The following TSHZ1 variants were observed in gnomAD, a reference collection of about 807,000 sequenced individuals.
TSHZ1 encodes the protein teashirt homolog 1.
A neutral mutation model predicts 67.1 loss-of-function variants in TSHZ1; 12 were observed. That is an observed-to-expected ratio of 0.18 (90% CI 0.11 to 0.29). The LOEUF is 0.29. Among genes scored for constraint, TSHZ1 ranks in the 10% least tolerant of loss-of-function variants. TSHZ1 has a pLI of 1.00. For missense variants in TSHZ1, 1,305 were observed against 1,413.9 expected, an observed-to-expected ratio of 0.92 and a Z score of 1.23; for synonymous variants, 632 against 622.4, an observed-to-expected ratio of 1.02 and a Z score of -0.23.
chr18:75,275,535 A>T (rs2023605193), intron 1 of TSHZ1, among the ~76,000 whole-genome samples: 1 of 152,176 alleles, frequency 6.6e-6, no homozygotes, highest in Non-Finnish European at 1.5e-5. Flanking sequence ...TGCCATGCAT[A>T]AGTCTCCTCT....
rs2022696637 is a variant in TSHZ1, at chr18:75,211,856, CG to C, written c.-19del. On this transcript the variant is annotated 5_prime_UTR_variant, in exon 1 of 2. Transcript: ENST00000580243. ...CGAACTCCGGCGGCGGCTGAGGCGA[CG>C]GCTGCGGCGGCCGAGCAGCATGCCG... is the stretch of plus-strand genomic sequence containing the variant. 1.5e-5 allele frequency: 17 copies of C among 1,166,812 alleles called. No homozygotes were observed. In the South Asian group the frequency reaches 7.1e-4, roughly 49 times the overall value. 72.3% of individuals were successfully genotyped at this position (1,166,812 alleles called of 1,614,324 possible). A position where few individuals can be genotyped will look rare whatever the true frequency, so the allele number is the denominator to read the frequency against.
chr18:75,242,345 A>G (rs1458125510), intron 1 of TSHZ1, among the ~76,000 whole-genome samples: 1 of 152,180 alleles, frequency 6.6e-6, no homozygotes, highest in Non-Finnish European at 1.5e-5. Context: ...CCCAGCAGGG[A>G]GTCATCGCAT....
chr18:75,267,478 T>C (rs548644175), intron 1 of TSHZ1, among the ~76,000 whole-genome samples: 1 of 152,220 alleles, frequency 6.6e-6, no homozygotes, highest in East Asian at 1.9e-4. Flanking sequence ...GCGTAAACAG[T>C]GGTGGGGCTG....
intron 1 of TSHZ1, among the ~76,000 whole-genome samples, chr18:75,230,674 A>C (rs1174492605): frequency 6.6e-6 from 1 of 152,220 alleles, no homozygotes; most frequent in East Asian, 1.9e-4. Flanking sequence ...GTATGACCTT[A>C]GTGGTTGCAA....
chr18:75,280,899 C>T, intron 1 of TSHZ1: 1 of 887,086 alleles, frequency 1.1e-6, no homozygotes, highest in Non-Finnish European at 1.4e-6. Flanking sequence ...TTGAGCCTCC[C>T]TGGAGGGATG....
chr18:75,242,632 T>C (rs906602639), intron 1 of TSHZ1, among the ~76,000 whole-genome samples: 8 of 152,262 alleles, frequency 5.3e-5, no homozygotes, highest in African/African-American at 1.9e-4. Context: ...TGGTAGCTGA[T>C]GTCTGCTACA....
At chr18:75,282,188 C>T (rs2023695799) in intron 1 of TSHZ1, among the ~76,000 whole-genome samples, 1 of 152,156 alleles carries the variant, frequency 6.6e-6, no homozygotes, top group Admixed American at 6.5e-5. Context: ...TTCCCGGGTG[C>T]AGAATGGACT....
intron 1 of TSHZ1, among the ~76,000 whole-genome samples, chr18:75,251,204 T>C (rs2023298787): frequency 6.6e-6 from 1 of 152,216 alleles, no homozygotes; most frequent in South Asian, 2.1e-4. Context: ...TATTTTTTCC[T>C]CTTTGCAAAA....
intron 1 of TSHZ1, among the ~76,000 whole-genome samples, chr18:75,252,589 G>A (rs182513546): frequency 1.3e-3 from 199 of 152,150 alleles, no homozygotes; most frequent in Non-Finnish European, 2.1e-3. Flanking sequence ...TTAAGTATTT[G>A]ATACATCTAA....
chr18:75,265,428 TCGTATGG>T (rs766611824), intron 1 of TSHZ1, among the ~76,000 whole-genome samples: 3 of 152,304 alleles, frequency 2.0e-5, no homozygotes, highest in Admixed American at 1.3e-4. Flanking sequence ...AATTTCACTG[TCGTATGG>T]CCGCTGAGTT....
chr18:75,255,784 A>G (rs2122573710), intron 1 of TSHZ1, among the ~76,000 whole-genome samples: 1 of 152,362 alleles, frequency 6.6e-6, no homozygotes, highest in East Asian at 1.9e-4. Context: ...ACAAAAACAA[A>G]AGATAACAAA....
At chr18:75,253,174 G>C (rs934546919) in intron 1 of TSHZ1, among the ~76,000 whole-genome samples, 1 of 152,068 alleles carries the variant, frequency 6.6e-6, no homozygotes. Flanking sequence ...TTTGTGAATG[G>C]ACTTTTCTGT....
At position 75,287,665 on chromosome 18, in the gene TSHZ1, T is replaced by C. The variant is rs1211177938; in HGVS notation, c.2258T>C (p.Met753Thr). 1.9e-6 allele frequency: 3 copies of C among 1,614,042 alleles called. No individual in the cohort carries two copies. The highest frequency in any genetic ancestry group is 4.5e-5 in the East Asian group (2 of 44,882). The part of the protein sequence containing the change: ...INPLSALQSI[M>T]NTHLGKVSKP... ...CCGCTGAGCGCTTTGCAGTCCATCA[T>C]GAACACCCACCTGGGCAAGGTGTCC... Residue 753 changes from methionine (M) to threonine (T), a missense_variant, in exon 2 of 2, where the codon ATG (methionine) becomes ACG (threonine). Around this residue, in one of 3 missense-constraint regions of TSHZ1, gnomAD observed 909 missense variants for 961.8 expected, o/e 0.95. Transcript: ENST00000580243. This position sits in a 1 kb window ranked among gnomAD's most constrained non-coding sequence, Gnocchi z 5.0.
chr18:75,227,162 C>G (rs1335191347), intron 1 of TSHZ1, among the ~76,000 whole-genome samples: 3 of 152,116 alleles, frequency 2.0e-5, no homozygotes, highest in Admixed American at 6.5e-5. Context: ...AAAGAACCAG[C>G]AGCAAAGCAT....
intron 1 of TSHZ1, among the ~76,000 whole-genome samples, chr18:75,248,250 T>TCAAGTATAAGGTTCTGATTCTGGCG: frequency 6.6e-6 from 1 of 152,354 alleles, no homozygotes; most frequent in Non-Finnish European, 1.5e-5. Context: ...GTATTCTACT[T>TCAAGTATAAGGTTCTGATTCTGGCG]CAAGTATAAG....
At chr18:75,238,127 T>C (rs1366826287) in intron 1 of TSHZ1, among the ~76,000 whole-genome samples, 1 of 152,238 alleles carries the variant, frequency 6.6e-6, no homozygotes, top group Non-Finnish European at 1.5e-5. Flanking sequence ...AACAGGCTTA[T>C]GCTTTGCTTG....
rs2122503567 is a variant in TSHZ1 at position 75,211,275 on chromosome 18, T to A, written c.-602T>A. 1 of 152,040 alleles carries A rather than the reference T, an allele frequency of 6.6e-6. No homozygotes were observed. The highest frequency in any genetic ancestry group is 2.1e-4 in the South Asian group (1 of 4,806). 9.4% of individuals were successfully genotyped at this position (152,040 alleles called of 1,614,324 possible). A position where few individuals can be genotyped will look rare whatever the true frequency, so the allele number is the denominator to read the frequency against. On this transcript the variant is annotated 5_prime_UTR_variant, in exon 1 of 2. An upstream open reading frame in the 5' UTR gains an earlier in-frame stop. Coordinates refer to ENST00000580243, the MANE Select transcript of TSHZ1 (RefSeq NM_001308210.2). The stretch of plus-strand genomic sequence containing the variant: ...ACGGGGGCTTCACTCCTCTGTCTTG[T>A]TTGCTTTCTTCCTCTTAGACTAAGT...
Position 75,214,521 on chromosome 18 carries a change from T to C in TSHZ1, c.40+2605T>C, listed in dbSNP as rs117333053. ...TGTTTTTATTATAACATCCTGACTG[T>C]TTTTTTCTTAAAGCTGCATGTTGGC... On this transcript the variant is annotated intron_variant, in intron 1 of 1. Coordinates refer to ENST00000580243, the MANE Select transcript of TSHZ1 (RefSeq NM_001308210.2). Among the ~76,000 whole-genome samples, 543 of 152,316 alleles carry C rather than the reference T, an allele frequency of 3.6e-3. 1 individual carries two copies. The highest frequency in any genetic ancestry group is 5.6e-3 in the Non-Finnish European group (382 of 68,028).
intron 1 of TSHZ1, among the ~76,000 whole-genome samples, chr18:75,259,698 T>C (rs1482109679): frequency 6.6e-6 from 1 of 152,196 alleles, no homozygotes; most frequent in East Asian, 1.9e-4. Context: ...ATTTATAAAT[T>C]AAATTTTATA....
Sources: allele counts gnomAD v4.1 joint callset (sites outside exome capture counted in the v4.1 genomes callset), GRCh38; gene constraint gnomAD v4.1.1; regional missense constraint gnomAD v4.1.1; non-coding constraint Gnocchi (gnomAD v3.1); transcripts MANE v1.5; gene names NCBI Gene and HGNC (gene_info 2026-07-23, HGNC 2026-07-21).